Variants in TGS1 observed in about 807,000 individuals in gnomAD.
TGS1 encodes trimethylguanosine synthase 1.
TGS1 carries 69 observed loss-of-function variants against 92.2 expected under a neutral mutation model. The ratio of observed to expected loss-of-function variants is 0.75; its 90% confidence interval spans 0.62 to 0.91. The LOEUF (loss-of-function observed/expected upper bound fraction) is 0.91, where lower values mean the gene tolerates loss of function less well. Ranked by LOEUF, TGS1 falls within the 40% of genes least tolerant of loss-of-function variation. The probability of loss-of-function intolerance (pLI) is 0.00; values close to 1 mark genes in which losing one functional copy is unlikely to be tolerated. For synonymous variants in TGS1, 345 were observed against 338.1 expected, an observed-to-expected ratio of 1.02 and a Z score of -0.22; for missense variants, 1,062 against 1,001.2, an observed-to-expected ratio of 1.06 and a Z score of -0.82.
Position 55,786,862 on chromosome 8 carries a change from A to C in TGS1, c.964A>C (p.Ser322Arg). The change falls in exon 4 of 13, where the codon AGT becomes CGT. Residue 322 changes from serine to arginine, a missense_variant. Ser to Arg is a moderately radical substitution (Grantham distance 110, BLOSUM62 -1). Coordinates refer to ENST00000260129, the MANE Select transcript of TGS1 (RefSeq NM_024831.8). ...TCATAGTGAAATACTTGATGGAATT[A>C]GTAACATAAAACTGAATTCAGAGGA... is the stretch of plus-strand genomic sequence containing the variant. The part of the protein sequence containing the change: ...KDHSEILDGI[S>R]NIKLNSEEVT... The C allele has an allele frequency of 3.1e-6, 5 of 1,614,174 alleles. No individual in the cohort carries two copies. The highest frequency in any genetic ancestry group is 4.2e-6 in the Non-Finnish European group (5 of 1,180,008).
intron 1 of TGS1, among the ~76,000 whole-genome samples, chr8:55,777,610 G>T (rs1230672221): frequency 6.6e-6 from 1 of 151,780 alleles, no homozygotes; most frequent in Admixed American, 6.6e-5. Flanking sequence ...CATGATCTCG[G>T]CTCACTGCAA....
intron 7 of TGS1, 137 bp from the exon 8 acceptor site, chr8:55,798,777 C>G: frequency 1.5e-6 from 1 of 657,344 alleles, no homozygotes; most frequent in Non-Finnish European, 2.6e-6. Context: ...TACTATTAAG[C>G]TTGTGTGATG....
intron 4 of TGS1, among the ~76,000 whole-genome samples, chr8:55,788,454 C>CTTTTTT (rs71256568): frequency 1.1e-4 from 10 of 91,100 alleles, no homozygotes; most frequent in African/African-American, 3.1e-4. Flanking sequence ...CATTTTCATC[C>CTTTTTT]TTTTTTTTTT....
chr8:55,774,659 A>C (rs1811331162), intron 1 of TGS1, among the ~76,000 whole-genome samples: 1 of 152,194 alleles, frequency 6.6e-6, no homozygotes, highest in African/African-American at 2.4e-5. Context: ...GAGGTACAAG[A>C]CATTCTGTCC....
chr8:55,807,699 T>C (rs1237080459), intron 10 of TGS1, among the ~76,000 whole-genome samples: 2 of 152,002 alleles, frequency 1.3e-5, no homozygotes, highest in Non-Finnish European at 2.9e-5. Context: ...TGCTAATTTT[T>C]TTTTTAATTT....
chr8:55,806,934 T>G (rs1812389223), intron 10 of TGS1, among the ~76,000 whole-genome samples: 2 of 147,312 alleles, frequency 1.4e-5, no homozygotes, highest in Non-Finnish European at 3.0e-5. Context: ...ATTTTTTTTT[T>G]TCTTTTTTTT....
At chr8:55,802,412 AT>A (rs1554562680) in intron 8 of TGS1, 44 bp from the exon 9 acceptor site, 1 of 1,547,774 alleles carries the variant, frequency 6.5e-7, no homozygotes, top group Non-Finnish European at 8.9e-7. Context: ...TGTGATACTA[AT>A]TTTTTTCTTA....
chr8:55,796,085 A>C lies in TGS1; in HGVS notation c.1475A>C (p.Asn492Thr). Residue 492 changes from asparagine (N) to threonine (T), a missense_variant, in exon 7 of 13, where the codon AAC becomes ACC. Physicochemically the swap from Asn to Thr is moderately conservative, Grantham distance 65 (BLOSUM62 0). Transcript: ENST00000260129. Reference sequence around the variant, plus strand: ...ATGCGCAGACAAATAAAGATGAAAAACAAACACATCTTCTTTACCAAAGAG... The same window carrying C: ...ATGCGCAGACAAATAAAGATGAAAACCAAACACATCTTCTTTACCAAAGAG... ...LDMRRQIKMK[N>T]KHIFFTKESE... The C allele has an allele frequency of 6.2e-7, 1 of 1,613,260 alleles. No individual in the cohort carries two copies. Among genetic ancestry groups the C allele is most frequent in the Non-Finnish European group, 8.5e-7 (1 of 1,179,322 alleles).
chr8:55,813,218 G>C, intron 12 of TGS1, 100 bp downstream of exon 12: 1 of 827,884 alleles, frequency 1.2e-6, no homozygotes, highest in Non-Finnish European at 1.9e-6. Flanking sequence ...GTGTTTATGA[G>C]AAGTCCCTGA....
Position 55,813,065 on chromosome 8 carries a change from A to G in TGS1, c.2386A>G (p.Lys796Glu). The change falls in exon 12 of 13, where the codon AAG (lysine) becomes GAG (glutamate). Residue 796 changes from lysine to glutamate, a missense_variant. Physicochemically the swap from Lys to Glu is moderately conservative, Grantham distance 56. Transcript: ENST00000260129. ...CTTTGAAATTTTCAGACTTTCTAAG[A>G]AGATCACTAATAATATTGTTTATTT... ...DGFEIFRLSKKITNNIVYFLP... is the reference protein window; with the variant it reads ...DGFEIFRLSKEITNNIVYFLP... The G allele has an allele frequency of 1.2e-6, 2 of 1,610,682 alleles. No individual in the cohort carries two copies. Among genetic ancestry groups the G allele is most frequent in the Non-Finnish European group, 1.7e-6 (2 of 1,177,796 alleles).
At chr8:55,808,155 T>C (rs1803231788) in intron 10 of TGS1, among the ~76,000 whole-genome samples, 1 of 152,162 alleles carries the variant, frequency 6.6e-6, no homozygotes, top group Non-Finnish European at 1.5e-5. Flanking sequence ...ACTCCTATGC[T>C]CCAAGGCATG....
At chr8:55,797,096 A>G (rs1394558725) in intron 7 of TGS1, among the ~76,000 whole-genome samples, 1 of 152,208 alleles carries the variant, frequency 6.6e-6, no homozygotes, top group Non-Finnish European at 1.5e-5. Context: ...GGCTGCTAAT[A>G]AAGACATACC....
intron 1 of TGS1, among the ~76,000 whole-genome samples, chr8:55,774,007 GA>G (rs1313168535): frequency 1.3e-5 from 2 of 152,146 alleles, no homozygotes; most frequent in African/African-American, 4.8e-5. Flanking sequence ...AAAATTGGGG[GA>G]AAGCGACATG....
intron 1 of TGS1, among the ~76,000 whole-genome samples, chr8:55,777,562 C>G (rs1361656962): frequency 6.6e-6 from 1 of 151,326 alleles, no homozygotes; most frequent in African/African-American, 2.4e-5. Flanking sequence ...TCTTTTGAGA[C>G]AGAGTCTCAC....
intron 4 of TGS1, among the ~76,000 whole-genome samples, chr8:55,787,657 G>A (rs1811757309): frequency 6.6e-6 from 1 of 152,216 alleles, no homozygotes; most frequent in Non-Finnish European, 1.5e-5. Flanking sequence ...AATGAGAAGT[G>A]TTTTGAAAGG....
At chr8:55,776,120 C>T (rs1811389201) in intron 1 of TGS1, among the ~76,000 whole-genome samples, 1 of 151,944 alleles carries the variant, frequency 6.6e-6, no homozygotes, top group African/African-American at 2.4e-5. Flanking sequence ...CCGAGCAACC[C>T]GAGCGAGCAA....
At chr8:55,787,640 G>A (rs548317398) in intron 4 of TGS1, among the ~76,000 whole-genome samples, 2 of 152,354 alleles carry the variant, frequency 1.3e-5, no homozygotes, top group African/African-American at 2.4e-5. Flanking sequence ...CAGGACTAGA[G>A]AATGCCAATG....
intron 12 of TGS1, among the ~76,000 whole-genome samples, chr8:55,822,125 A>G (rs1803659666): frequency 6.7e-6 from 1 of 149,504 alleles, no homozygotes; most frequent in South Asian, 2.1e-4. Flanking sequence ...GCTGGAGTGC[A>G]GTGGTGCGAT....
intron 7 of TGS1, among the ~76,000 whole-genome samples, chr8:55,797,119 AT>A (rs559022861): frequency 2.4e-4 from 37 of 152,300 alleles, no homozygotes; most frequent in African/African-American, 8.7e-4. Context: ...AGACTGGATA[AT>A]TTTTGAAGGA....
Sources: allele counts gnomAD v4.1 joint callset (sites outside exome capture counted in the v4.1 genomes callset), GRCh38; gene constraint gnomAD v4.1.1; transcripts MANE v1.5; gene names NCBI Gene and HGNC (gene_info 2026-07-23, HGNC 2026-07-21).